The following OSBPL9 variants were observed in gnomAD, a reference collection of about 807,000 sequenced individuals.
OSBPL9 encodes the protein oxysterol-binding protein-related protein 9.
Under a neutral mutation model 106.6 loss-of-function variants are expected in OSBPL9, and 40 were observed. The ratio of observed to expected loss-of-function variants is 0.38; its 90% CI spans 0.29 to 0.49. The LOEUF is 0.49. Ranked by LOEUF, OSBPL9 falls within the 20% of genes least tolerant of loss-of-function variation. The pLI is 0.97. For synonymous variants in OSBPL9, 269 were observed against 295.4 expected (o/e 0.91, Z 0.92); for missense variants, 609 against 887.2 (o/e 0.69, Z 3.98).
intron 1 of OSBPL9, among the ~76,000 whole-genome samples, chr1:51,639,818 T>TTTG (rs1645667219): frequency 1.6e-5 from 2 of 124,630 alleles, no homozygotes; most frequent in African/African-American, 6.2e-5. Flanking sequence ...TCCTAGTTGT[T>TTTG]TTTTTTTTTT....
intron 4 of OSBPL9, among the ~76,000 whole-genome samples, chr1:51,743,971 A>ATT (rs887223419): frequency 1.0e-4 from 15 of 150,348 alleles, no homozygotes; most frequent in African/African-American, 3.7e-4. Context: ...GTTTATTAAG[A>ATT]TTTTTTTTTT....
At chr1:51,661,385 G>C (rs1249939553) in intron 2 of OSBPL9, among the ~76,000 whole-genome samples, 1 of 152,302 alleles carries the variant, frequency 6.6e-6, no homozygotes, top group African/African-American at 2.4e-5. Context: ...GCATCAGAAT[G>C]ATGATTCATG....
upstream of OSBPL9, among the ~76,000 whole-genome samples, chr1:51,615,846 T>A (rs948003493): frequency 1.3e-5 from 2 of 152,090 alleles, no homozygotes; most frequent in African/African-American, 4.8e-5. Context: ...TTTATTAAAT[T>A]ATTTGCAGTG....
At chr1:51,645,999 C>A (rs185403052) in intron 1 of OSBPL9, among the ~76,000 whole-genome samples, 152 of 152,310 alleles carry the variant, frequency 1.0e-3, no homozygotes, top group South Asian at 2.3e-3. Context: ...CAGTACCACA[C>A]TGTCTATTAT....
At chr1:51,668,905 T>C (rs1272170360) in intron 2 of OSBPL9, among the ~76,000 whole-genome samples, 1 of 152,188 alleles carries the variant, frequency 6.6e-6, no homozygotes, top group Admixed American at 6.5e-5. Context: ...CTGTGAAAAG[T>C]GCTCTTGGAG....
At chr1:51,648,069 C>G (rs1442637902) in intron 1 of OSBPL9, among the ~76,000 whole-genome samples, 1 of 152,156 alleles carries the variant, frequency 6.6e-6, no homozygotes, top group African/African-American at 2.4e-5. Flanking sequence ...GAGAGAGTGA[C>G]AGTTACTGGG....
upstream of OSBPL9, among the ~76,000 whole-genome samples, chr1:51,574,677 C>T (rs1645173252): frequency 6.6e-6 from 1 of 151,698 alleles, no homozygotes; most frequent in Non-Finnish European, 1.5e-5. Context: ...TAGACAAAAA[C>T]AAAAACAAAA....
At chr1:51,628,927 C>T (rs1003155105) in intron 1 of OSBPL9, among the ~76,000 whole-genome samples, 5 of 152,058 alleles carry the variant, frequency 3.3e-5, no homozygotes, top group African/African-American at 9.7e-5. Context: ...ATCCACCCTC[C>T]TCGGCCTCCC....
chr1:51,697,322 G>A (rs371781531), intron 3 of OSBPL9, among the ~76,000 whole-genome samples: 13 of 152,050 alleles, frequency 8.5e-5, no homozygotes, highest in Admixed American at 2.0e-4. Context: ...ATAGTACCCC[G>A]TGCATATTGG....
Position 51,788,013 on chromosome 1 carries a change from C to G in OSBPL9, c.*224C>G, listed in dbSNP as rs971064491. 8 of 504,108 alleles carry G rather than the reference C, an allele frequency of 1.6e-5. No individual in the cohort carries two copies. Among genetic ancestry groups the G allele is most frequent in the African/African-American group, 1.4e-4 (7 of 51,024 alleles). 31.2% of individuals were successfully genotyped at this position (504,108 alleles called of 1,614,324 possible). On this transcript the variant is annotated 3_prime_UTR_variant, in exon 24 of 24. Coordinates refer to ENST00000428468, the MANE Select transcript of OSBPL9 (RefSeq NM_024586.6). ...TTGACTTCAGTCCTGAGAAAAACTT[C>G]AGGTTTTGAAAATCAGATGATGTCT...
chr1:51,630,644 C>T (rs972264986), intron 1 of OSBPL9, among the ~76,000 whole-genome samples: 4 of 152,156 alleles, frequency 2.6e-5, no homozygotes, highest in Non-Finnish European at 5.9e-5. Context: ...TTACCATACA[C>T]TACCATAGAC....
chr1:51,716,791 G>T (rs1661135997), intron 4 of OSBPL9, among the ~76,000 whole-genome samples: 1 of 152,136 alleles, frequency 6.6e-6, no homozygotes, highest in African/African-American at 2.4e-5. Flanking sequence ...TATAGGAGAG[G>T]AGACGCAGTG....
chr1:51,541,130 CA>C, the OSBPL9 span, among the ~76,000 whole-genome samples: 3 of 151,102 alleles, frequency 2.0e-5, no homozygotes, highest in South Asian at 2.1e-4. Flanking sequence ...GACTCTGTCT[CA>C]AAAAAAAATT....
At chr1:51,633,434 A>G (rs1340554062) in intron 1 of OSBPL9, among the ~76,000 whole-genome samples, 1 of 151,502 alleles carries the variant, frequency 6.6e-6, no homozygotes, top group East Asian at 2.0e-4. Flanking sequence ...AAAATTATCC[A>G]GGTGTGGTGA....
chr1:51,738,862 A>G (rs1481064565), intron 4 of OSBPL9, among the ~76,000 whole-genome samples: 4 of 151,908 alleles, frequency 2.6e-5, no homozygotes, highest in Non-Finnish European at 4.4e-5. Context: ...AAGGGCCTGG[A>G]GATATAGTGG....
At chr1:51,706,478 C>T (rs984245540) in intron 3 of OSBPL9, among the ~76,000 whole-genome samples, 5 of 152,006 alleles carry the variant, frequency 3.3e-5, no homozygotes, top group Non-Finnish European at 7.4e-5. Flanking sequence ...TTCGTCCCTT[C>T]CTCCTCCTGT....
chr1:51,587,142 G>C (rs772021533), intron 1 of OSBPL9, among the ~76,000 whole-genome samples: 1 of 152,158 alleles, frequency 6.6e-6, no homozygotes. Flanking sequence ...GAGGTGGACA[G>C]ATCAGTTGAG....
chr1:51,526,976 C>T, the OSBPL9 span, among the ~76,000 whole-genome samples: 1 of 152,088 alleles, frequency 6.6e-6, no homozygotes, highest in South Asian at 2.1e-4. Flanking sequence ...GATCTCCTGA[C>T]CTCGTGATCT....
intron 11 of OSBPL9, among the ~76,000 whole-genome samples, chr1:51,763,057 G>C (rs1372476984): frequency 6.6e-6 from 1 of 152,130 alleles, no homozygotes; most frequent in Non-Finnish European, 1.5e-5. Context: ...CCAGGCTGGA[G>C]TCCAGTGGCA....
Sources: allele counts gnomAD v4.1 joint callset (sites outside exome capture counted in the v4.1 genomes callset), GRCh38; gene constraint gnomAD v4.1.1; transcripts MANE v1.5; gene names NCBI Gene and HGNC (gene_info 2026-07-23, HGNC 2026-07-21).